SKAP2: variants seen among roughly 807,000 people sequenced by gnomAD.
SKAP2 encodes src kinase associated phosphoprotein 2.
A neutral mutation model predicts 54.9 loss-of-function variants in SKAP2; 28 were observed. The ratio of observed to expected loss-of-function variants is 0.51; its 90% CI spans 0.38 to 0.70. The LOEUF is 0.70. Among genes scored for constraint, SKAP2 ranks in the 30% least tolerant of loss-of-function variants. SKAP2 has a pLI of 0.00. For synonymous variants in SKAP2, 137 were observed against 134.3 expected (o/e 1.02, Z -0.14); for missense variants, 356 against 424.1 (o/e 0.84, Z 1.41).
intron 9 of SKAP2, among the ~76,000 whole-genome samples, chr7:26,720,051 A>AACACACACACAC (rs57945020): frequency 9.9e-5 from 14 of 141,816 alleles, no homozygotes; most frequent in African/African-American, 3.2e-4. Context: ...ACATATCTGT[A>AACACACACACAC]ACACACACAC....
chr7:26,660,305 C>CAAA, the SKAP2 span, among the ~76,000 whole-genome samples: 1 of 151,962 alleles, frequency 6.6e-6, no homozygotes, highest in African/African-American at 2.4e-5. Context: ...ACATTGTGAA[C>CAAA]AACATAATTT....
At chr7:26,655,761 T>C in the SKAP2 span, among the ~76,000 whole-genome samples, 2 of 152,212 alleles carry the variant, frequency 1.3e-5, no homozygotes, top group African/African-American at 4.8e-5. Context: ...GCATGGATAT[T>C]ATAGTTGTAA....
intron 4 of SKAP2, among the ~76,000 whole-genome samples, chr7:26,757,388 T>A (rs565957351): frequency 6.6e-6 from 1 of 152,240 alleles, no homozygotes; most frequent in Non-Finnish European, 1.5e-5. Flanking sequence ...GCTTTCTACA[T>A]ATGGCTGGCC....
chr7:26,683,531 T>TGGAA (rs1419399209), intron 11 of SKAP2, among the ~76,000 whole-genome samples: 1 of 91,118 alleles, frequency 1.1e-5, no homozygotes, highest in South Asian at 4.1e-4. Flanking sequence ...TTATGATGGA[T>TGGAA]GGATGGAAGG....
chr7:26,803,668 C>G (rs555995699), intron 4 of SKAP2, among the ~76,000 whole-genome samples: 2 of 152,284 alleles, frequency 1.3e-5, no homozygotes, highest in African/African-American at 4.8e-5. Flanking sequence ...TATCTGCACT[C>G]CTACGTTTGT....
intron 4 of SKAP2, among the ~76,000 whole-genome samples, chr7:26,841,391 G>A (rs1156591396): frequency 6.6e-6 from 1 of 151,748 alleles, no homozygotes; most frequent in African/African-American, 2.4e-5. Flanking sequence ...GGCAGGGTTT[G>A]GAAACTTTCT....
At chr7:26,703,137 G>A (rs1309954675) in intron 9 of SKAP2, among the ~76,000 whole-genome samples, 1 of 152,146 alleles carries the variant, frequency 6.6e-6, no homozygotes, top group Non-Finnish European at 1.5e-5. Context: ...GAAGGCACAG[G>A]TGTCCAACCT....
At chr7:26,692,942 A>G (rs1370445479) in intron 9 of SKAP2, among the ~76,000 whole-genome samples, 2 of 152,218 alleles carry the variant, frequency 1.3e-5, no homozygotes, top group African/African-American at 4.8e-5. Context: ...CAAATTCAAT[A>G]GTAAGAAATA....
At chr7:26,804,576 T>C (rs1413185680) in intron 4 of SKAP2, among the ~76,000 whole-genome samples, 1 of 151,918 alleles carries the variant, frequency 6.6e-6, no homozygotes, top group Non-Finnish European at 1.5e-5. Context: ...CTGTCTCTAT[T>C]AAAATTACAA....
downstream of SKAP2, among the ~76,000 whole-genome samples, chr7:26,666,825 G>A (rs759208148): frequency 1.3e-5 from 2 of 152,174 alleles, no homozygotes; most frequent in Non-Finnish European, 2.9e-5. Flanking sequence ...GGAGTGAGCT[G>A]TGTTAAGTGT....
chr7:26,762,716 T>C (rs2127971524), intron 4 of SKAP2, among the ~76,000 whole-genome samples: 2 of 152,138 alleles, frequency 1.3e-5, no homozygotes, highest in East Asian at 1.9e-4. Context: ...ACAGCTTATG[T>C]TTTTCAATAC....
intron 9 of SKAP2, among the ~76,000 whole-genome samples, chr7:26,706,005 T>C (rs948477784): frequency 2.0e-5 from 3 of 152,208 alleles, no homozygotes; most frequent in Admixed American, 2.0e-4. Context: ...TAAGACATTC[T>C]GCTGCTAGAA....
At chr7:26,859,230 T>C (rs1049667526) in intron 1 of SKAP2, among the ~76,000 whole-genome samples, 3 of 148,256 alleles carry the variant, frequency 2.0e-5, no homozygotes, top group Non-Finnish European at 4.4e-5. Context: ...AAACTTAATA[T>C]GATAGGGATC....
chr7:26,803,845 T>C (rs1249923755), intron 4 of SKAP2, among the ~76,000 whole-genome samples: 1 of 152,194 alleles, frequency 6.6e-6, no homozygotes, highest in Non-Finnish European at 1.5e-5. Flanking sequence ...GAAATCATTA[T>C]GTTAAGTGAA....
chr7:26,769,369 G>A (rs952601825), intron 4 of SKAP2, among the ~76,000 whole-genome samples: 2 of 152,130 alleles, frequency 1.3e-5, no homozygotes, highest in Admixed American at 6.5e-5. Flanking sequence ...CTTTTATCAA[G>A]GTTCTCAGCT....
intron 4 of SKAP2, among the ~76,000 whole-genome samples, chr7:26,787,798 T>C (rs1584389948): frequency 6.6e-6 from 1 of 152,180 alleles, no homozygotes; most frequent in East Asian, 1.9e-4. Context: ...ATGAGGGATC[T>C]GCCCGCATGA....
rs764416404 is a variant in SKAP2 at position 26,731,870 on chromosome 7, A to T, written c.470-4864T>A. 1.8e-4 allele frequency among the ~76,000 whole-genome samples: 27 copies of T among 152,234 alleles called. 1 individual carries two copies. The highest frequency in any genetic ancestry group is 1.0e-3 in the South Asian group (5 of 4,818). On this transcript the variant is annotated intron_variant, in intron 6 of 12. Coordinates refer to ENST00000345317, the MANE Select transcript of SKAP2 (RefSeq NM_003930.5). Reference sequence around the variant, plus strand: ...ATGCCACCTACCAAAATCTAAACAGACCTTCTATTTTTCTGGCAAATATAC... The same window carrying T: ...ATGCCACCTACCAAAATCTAAACAGTCCTTCTATTTTTCTGGCAAATATAC...
intron 4 of SKAP2, among the ~76,000 whole-genome samples, chr7:26,743,502 T>C (rs998962322): frequency 6.6e-6 from 1 of 152,126 alleles, no homozygotes; most frequent in African/African-American, 2.4e-5. Context: ...GAAAAAAGTA[T>C]ATCCTAAGGG....
At chr7:26,681,498 G>A (rs1367148296) in intron 11 of SKAP2, among the ~76,000 whole-genome samples, 2 of 152,118 alleles carry the variant, frequency 1.3e-5, no homozygotes, top group African/African-American at 4.8e-5. Context: ...TATAATGCAT[G>A]GGATTTTATT....
Sources: allele counts gnomAD v4.1 joint callset (sites outside exome capture counted in the v4.1 genomes callset), GRCh38; gene constraint gnomAD v4.1.1; transcripts MANE v1.5; gene names NCBI Gene and HGNC (gene_info 2026-07-23, HGNC 2026-07-21).